POU6F2: variants seen among roughly 807,000 people sequenced by gnomAD.
The protein encoded by POU6F2 is POU domain, class 6, transcription factor 2.
POU6F2 carries 31 observed loss-of-function variants against 71.3 expected under a neutral mutation model. The ratio of observed to expected loss-of-function variants is 0.43; its 90% CI spans 0.33 to 0.59. The LOEUF (loss-of-function observed/expected upper bound fraction) is 0.59. POU6F2 is among the 20% of genes least tolerant of loss of function. The pLI is 0.04. For synonymous variants in POU6F2, 347 were observed against 355.7 expected (o/e 0.98, Z 0.27); for missense variants, 783 against 856.8 (o/e 0.91, Z 1.07).
chr7:39,083,243 A>G (rs756415802), intron 1 of POU6F2, among the ~76,000 whole-genome samples: 5 of 152,222 alleles, frequency 3.3e-5, no homozygotes, highest in Non-Finnish European at 5.9e-5. Flanking sequence ...CTGTTTTATC[A>G]TAAGACTGCT....
chr7:39,339,984 C>T lies in POU6F2; in HGVS notation c.941C>T (p.Pro314Leu). ...KPSQSPGHGL[P>L]SPLTPPNPLQ... is the part of the protein sequence containing the mutation. ...AGTCAGTCTCCAGGACATGGCCTGC[C>T]TTCACCGCTCACGCCACCCAATCCT... The change falls in exon 5 of 10, where the codon CCT (proline) becomes CTT (leucine). Residue 314 changes from proline to leucine, a missense_variant. By Grantham distance (98) the Pro-to-Leu change is moderately conservative. Around this residue, in one of 2 missense-constraint regions of POU6F2, gnomAD observed 572 missense variants for 572.9 expected, o/e 1.00. Coordinates refer to ENST00000518318, the MANE Select transcript of POU6F2 (RefSeq NM_001370959.1). 6.2e-7 allele frequency: 1 copy of T among 1,612,670 alleles called. No homozygotes were observed. Among genetic ancestry groups the T allele is most frequent in the Non-Finnish European group, 8.5e-7 (1 of 1,178,832 alleles).
intron 5 of POU6F2, among the ~76,000 whole-genome samples, chr7:39,371,647 G>T (rs554889325): frequency 8.5e-5 from 13 of 152,234 alleles, no homozygotes; most frequent in Non-Finnish European, 1.6e-4. Context: ...CAGCTTTGTG[G>T]CTTTCCCCAA....
intron 8 of POU6F2, among the ~76,000 whole-genome samples, chr7:39,454,373 A>G (rs1231088623): frequency 6.6e-6 from 1 of 151,852 alleles, no homozygotes; most frequent in East Asian, 1.9e-4. Flanking sequence ...CTCTCCCTAA[A>G]AATGGAGGTG....
At chr7:39,195,258 C>T (rs1562741602) in intron 2 of POU6F2, among the ~76,000 whole-genome samples, 1 of 152,198 alleles carries the variant, frequency 6.6e-6, no homozygotes, top group African/African-American at 2.4e-5. Context: ...ACAAATGCAG[C>T]TACTGCCCAG....
At chr7:39,173,603 T>C (rs1470354606) in intron 2 of POU6F2, among the ~76,000 whole-genome samples, 1 of 152,242 alleles carries the variant, frequency 6.6e-6, no homozygotes, top group Non-Finnish European at 1.5e-5. Flanking sequence ...AATGAATTAT[T>C]TGGAAGCTAA....
intron 4 of POU6F2, among the ~76,000 whole-genome samples, chr7:39,272,144 T>C (rs1490084986): frequency 6.6e-6 from 1 of 152,186 alleles, no homozygotes; most frequent in Non-Finnish European, 1.5e-5. Context: ...CCCAGGATCA[T>C]AGGGAAGAAA....
At chr7:39,331,158 T>A (rs924886928) in intron 4 of POU6F2, among the ~76,000 whole-genome samples, 1 of 152,234 alleles carries the variant, frequency 6.6e-6, no homozygotes, top group African/African-American at 2.4e-5. Context: ...ATGTACCACA[T>A]TTTCTTTATC....
chr7:39,304,952 G>T (rs190694077), intron 4 of POU6F2, among the ~76,000 whole-genome samples: 1 of 152,318 alleles, frequency 6.6e-6, no homozygotes, highest in East Asian at 1.9e-4. Context: ...GTTAAGTAAG[G>T]TATGTTAGAA....
intron 3 of POU6F2, among the ~76,000 whole-genome samples, chr7:39,206,145 G>A (rs1479207984): frequency 6.6e-6 from 1 of 152,120 alleles, no homozygotes; most frequent in Non-Finnish European, 1.5e-5. Context: ...CCTCACATAA[G>A]AGTTTTGCAT....
chr7:39,419,013 A>ATGTG (rs1330610866), intron 6 of POU6F2, among the ~76,000 whole-genome samples: 1 of 125,132 alleles, frequency 8.0e-6, no homozygotes, highest in African/African-American at 2.8e-5. Context: ...ATGTGTATAT[A>ATGTG]TGTATATATA....
At chr7:39,263,942 G>T (rs1202662983) in intron 4 of POU6F2, among the ~76,000 whole-genome samples, 1 of 152,192 alleles carries the variant, frequency 6.6e-6, no homozygotes, top group East Asian at 1.9e-4. Context: ...GCCATTTCCT[G>T]TCCTGAATTC....
intron 7 of POU6F2, among the ~76,000 whole-genome samples, chr7:39,444,364 G>A (rs1358020373): frequency 1.3e-5 from 2 of 152,122 alleles, no homozygotes; most frequent in African/African-American, 2.4e-5. Context: ...CAGGCAGATC[G>A]CCTGAGCTCA....
rs1302567528 is a variant in POU6F2, at chr7:39,433,268, C to G, written c.1305C>G (p.Ile435Met). Residue 435 changes from isoleucine (I) to methionine (M), a missense_variant, in exon 7 of 10, where the codon ATC (isoleucine) becomes ATG (methionine). Transcript: ENST00000518318. ...CCCAGGGCATCACGCTGTCACCCAT[C>G]AAGCCCGGCCAGCAGGTAAATGTTC... is the stretch of plus-strand genomic sequence containing the variant. ...INTQGITLSP[I>M]KPGQQLHQPS... The G allele has an allele frequency of 6.2e-7, 1 of 1,613,978 alleles. No homozygotes were observed. The highest frequency in any genetic ancestry group is 1.7e-5 in the Admixed American group (1 of 60,026).
At chr7:39,244,438 C>G (rs568872335) in intron 4 of POU6F2, among the ~76,000 whole-genome samples, 1 of 152,226 alleles carries the variant, frequency 6.6e-6, no homozygotes, top group East Asian at 1.9e-4. Flanking sequence ...ACTGAATTTC[C>G]TCTTCTATAA....
At chr7:39,225,423 C>CATAACAA (rs1562753978) in intron 4 of POU6F2, among the ~76,000 whole-genome samples, 2 of 152,186 alleles carry the variant, frequency 1.3e-5, no homozygotes, top group Non-Finnish European at 2.9e-5. Context: ...AACAAAAGCA[C>CATAACAA]AAGATTACCT....
intron 1 of POU6F2, among the ~76,000 whole-genome samples, chr7:39,059,867 A>G (rs1790617426): frequency 6.6e-6 from 1 of 152,246 alleles, no homozygotes; most frequent in Non-Finnish European, 1.5e-5. Context: ...TGAAGTATTT[A>G]TACATGCTAC....
At chr7:39,343,410 TA>T (rs58511899) in intron 5 of POU6F2, among the ~76,000 whole-genome samples, 455 of 133,084 alleles carry the variant, frequency 3.4e-3, no homozygotes, top group African/African-American at 4.9e-3. Flanking sequence ...ATGATCTAGG[TA>T]AAAAAAAAAA....
At chr7:39,294,281 C>G (rs1784811519) in intron 4 of POU6F2, among the ~76,000 whole-genome samples, 1 of 150,416 alleles carries the variant, frequency 6.6e-6, no homozygotes, top group Non-Finnish European at 1.5e-5. Context: ...AATTTGTTAA[C>G]AAGATGCATT....
In POU6F2 at chr7:39,451,564, A is replaced by C. The variant is rs1314027907; in HGVS notation, c.1352A>C (p.Gln451Pro). ...LHQPSQTSVG[Q>P]AASQGNLLHL... ...CAACCCTCCCAGACGTCAGTGGGTCAAGCAGCCTCCCAAGGCAACCTTCTG... is the reference window on the plus strand; with the variant it reads ...CAACCCTCCCAGACGTCAGTGGGTCCAGCAGCCTCCCAAGGCAACCTTCTG... Residue 451 changes from glutamine (Q) to proline (P), a missense_variant, in exon 8 of 10, where the codon CAA (glutamine) becomes CCA (proline). By Grantham distance (76) the Gln-to-Pro change is moderately conservative (BLOSUM62 -1). Transcript: ENST00000518318. 1.2e-6 allele frequency: 2 copies of C among 1,613,600 alleles called. No homozygotes were observed. The highest frequency in any genetic ancestry group is 1.7e-6 in the Non-Finnish European group (2 of 1,179,804).
Sources: allele counts gnomAD v4.1 joint callset (sites outside exome capture counted in the v4.1 genomes callset), GRCh38; gene constraint gnomAD v4.1.1; regional missense constraint gnomAD v4.1.1; transcripts MANE v1.5; gene names NCBI Gene and HGNC (gene_info 2026-07-23, HGNC 2026-07-21).